The following NCOA1 variants were observed in gnomAD, a reference collection of about 807,000 sequenced individuals.
NCOA1 encodes the protein Hin-2 protein.
Under a neutral mutation model 150.9 loss-of-function variants are expected in NCOA1, and 35 were observed. The observed-to-expected ratio is 0.23, with a 90% CI of 0.18 to 0.31. The LOEUF is 0.31. Among genes scored for constraint, NCOA1 ranks in the 10% least tolerant of loss-of-function variants. The pLI, the probability that NCOA1 is intolerant of heterozygous loss-of-function variation, is 1.00. For synonymous variants in NCOA1, 590 were observed against 630.0 expected (o/e 0.94, Z 0.95); for missense variants, 1,491 against 1,749.3 (o/e 0.85, Z 2.63).
intron 3 of NCOA1, among the ~76,000 whole-genome samples, chr2:24,629,375 C>T (rs113911244): frequency 5.4e-4 from 81 of 151,260 alleles, no homozygotes; most frequent in African/African-American, 1.9e-3. Flanking sequence ...TGTAAACACA[C>T]AGTTTATAAA....
rs1012580914 is a variant in NCOA1, at chr2:24,722,632, C to T, written c.2600-3957C>T. 3.9e-5 allele frequency among the ~76,000 whole-genome samples: 6 copies of T among 151,932 alleles called. 1 individual carries two copies. Among genetic ancestry groups the T allele is most frequent in the South Asian group, 4.2e-4 (2 of 4,796 alleles). The stretch of plus-strand genomic sequence containing the variant: ...GACATCACTGGAATAAGTGAATGAC[C>T]GTGTGAGGCAGTTGTTTTTGTGTTC... On this transcript the variant is annotated intron_variant, in intron 14 of 22. Transcript: ENST00000348332.
intron 1 of NCOA1, among the ~76,000 whole-genome samples, chr2:24,534,511 T>C (rs2148175408): frequency 6.6e-6 from 1 of 152,250 alleles, no homozygotes; most frequent in South Asian, 2.1e-4. Flanking sequence ...TTGTTTGCTC[T>C]TGCTTCTCTA....
chr2:24,531,328 A>G (rs550309229), intron 1 of NCOA1, among the ~76,000 whole-genome samples: 1 of 152,286 alleles, frequency 6.6e-6, no homozygotes, highest in South Asian at 2.1e-4. Context: ...AACCAACCAA[A>G]TTGCCCATCA....
intron 1 of NCOA1, among the ~76,000 whole-genome samples, chr2:24,534,566 T>G (rs576760781): frequency 1.3e-5 from 2 of 152,346 alleles, no homozygotes; most frequent in African/African-American, 4.8e-5. Context: ...AGATCTTTCC[T>G]GCTTTCTCTT....
At chr2:24,559,274 T>C (rs1314508238) in intron 1 of NCOA1, among the ~76,000 whole-genome samples, 1 of 152,082 alleles carries the variant, frequency 6.6e-6, no homozygotes, top group Non-Finnish European at 1.5e-5. Context: ...TTGAGCTGAT[T>C]TTGGGTTTTG....
intron 3 of NCOA1, among the ~76,000 whole-genome samples, chr2:24,604,234 C>T (rs959170555): frequency 6.6e-6 from 1 of 152,168 alleles, no homozygotes; most frequent in African/African-American, 2.4e-5. Context: ...GTAAATTAAA[C>T]GTAATTCTTA....
intron 15 of NCOA1, 55 bp downstream of exon 15, chr2:24,726,761 G>T: frequency 9.2e-7 from 1 of 1,084,026 alleles, no homozygotes. Flanking sequence ...TCTAAACAGA[G>T]AACTATTTTT....
intron 3 of NCOA1, among the ~76,000 whole-genome samples, chr2:24,604,278 A>T (rs139103046): frequency 2.4e-4 from 36 of 152,312 alleles, no homozygotes; most frequent in African/African-American, 8.4e-4. Flanking sequence ...GTCACTGTGC[A>T]CTGTCTTTAC....
At chr2:24,563,169 T>C (rs1436455850) in intron 1 of NCOA1, among the ~76,000 whole-genome samples, 1 of 152,176 alleles carries the variant, frequency 6.6e-6, no homozygotes, top group African/African-American at 2.4e-5. Flanking sequence ...TTTGTTTTAC[T>C]TACATAAGAG....
chr2:24,746,678 C>T (rs1663937322), intron 19 of NCOA1, among the ~76,000 whole-genome samples: 1 of 152,158 alleles, frequency 6.6e-6, no homozygotes, highest in African/African-American at 2.4e-5. Flanking sequence ...TCTAAGTATT[C>T]CTCTAATTCA....
intron 1 of NCOA1, among the ~76,000 whole-genome samples, chr2:24,545,372 TAAATA>T (rs1399109783): frequency 6.6e-6 from 1 of 152,182 alleles, no homozygotes; most frequent in African/African-American, 2.4e-5. Context: ...AGCAATAAAA[TAAATA>T]ATATTGCATT....
intron 13 of NCOA1, among the ~76,000 whole-genome samples, chr2:24,710,255 G>A (rs1391302454): frequency 6.6e-6 from 1 of 151,968 alleles, no homozygotes; most frequent in African/African-American, 2.4e-5. Flanking sequence ...CACGATGCCT[G>A]GCTAATTTTT....
In NCOA1 at chr2:24,507,663, G is replaced by A. The variant is rs529160076; in HGVS notation, c.-396+16061G>A. Among the ~76,000 whole-genome samples, 7 of 151,398 alleles carry A rather than the reference G, an allele frequency of 4.6e-5. No individual in the cohort carries two copies. The South Asian group carries it at 8.4e-4, about 18-fold the overall frequency. On this transcript the variant is annotated intron_variant, in intron 1 of 22. Coordinates refer to ENST00000348332, the MANE Select transcript of NCOA1 (RefSeq NM_003743.5). ...TCTATGGTAGTAATTTTTTCTCCACGTCTCGGTACCAGGAAAAGCTGTTTC... is the reference window on the plus strand; with the variant it reads ...TCTATGGTAGTAATTTTTTCTCCACATCTCGGTACCAGGAAAAGCTGTTTC...
At chr2:24,577,010 G>A (rs577263355) in intron 2 of NCOA1, among the ~76,000 whole-genome samples, 1 of 152,048 alleles carries the variant, frequency 6.6e-6, no homozygotes, top group Admixed American at 6.5e-5. Context: ...CTGTTTGCTG[G>A]TATTTACTTT....
At chr2:24,605,457 T>C (rs906422878) in intron 3 of NCOA1, among the ~76,000 whole-genome samples, 1 of 152,254 alleles carries the variant, frequency 6.6e-6, no homozygotes, top group African/African-American at 2.4e-5. Flanking sequence ...GGGTTTATAC[T>C]ATTCAGTTAA....
intron 7 of NCOA1, among the ~76,000 whole-genome samples, chr2:24,682,502 T>C (rs971268277): frequency 1.3e-5 from 2 of 152,162 alleles, no homozygotes; most frequent in African/African-American, 4.8e-5. Flanking sequence ...TCTCAGTGCA[T>C]AGGAAGCCCC....
rs756550160 is a variant in NCOA1 at position 24,741,954 on chromosome 2, T to C, written c.3474T>C (p.Arg1158=). The change falls in exon 19 of 23, where the codon CGT becomes CGC. Residue 1158 remains arginine (R), a synonymous_variant. Coordinates refer to ENST00000348332, the MANE Select transcript of NCOA1 (RefSeq NM_003743.5). ...TACCAGTTCAAATGGGGAACCCCCG[T>C]CTTCCTCAGGGTGCTCCACAGCAAT... ...SGLPVQMGNP[R]LPQGAPQQFP... 12 of 1,614,078 alleles carry C rather than the reference T, an allele frequency of 7.4e-6. No homozygotes were observed. In the South Asian group the frequency reaches 1.3e-4, roughly 18 times the overall value.
intron 3 of NCOA1, among the ~76,000 whole-genome samples, chr2:24,593,613 A>T (rs1207144647): frequency 1.3e-5 from 2 of 152,174 alleles, no homozygotes; most frequent in Non-Finnish European, 2.9e-5. Flanking sequence ...GGACTTACAC[A>T]AGCATCTTAA....
Position 24,705,041 on chromosome 2 carries a change from A to ATTT in NCOA1, c.950-44_950-43insTTT, listed in dbSNP as rs760412188. The ATTT allele has an allele frequency of 1.9e-6, 3 of 1,591,638 alleles. No homozygotes were observed. In the African/African-American group the frequency reaches 4.0e-5, roughly 21 times the overall value. On this transcript the variant is annotated intron_variant, in intron 11 of 22. Coordinates refer to ENST00000348332, the MANE Select transcript of NCOA1 (RefSeq NM_003743.5). ...AAACCTGGTGACTTAAAGCCAGCGT[A>ATTT]TAAGTATCAGAATTTTAACTAGGTT...
Sources: gnomAD v4.1 joint callset for allele counts (sites outside exome capture counted in the v4.1 genomes callset) on GRCh38, gnomAD v4.1.1 for gene constraint, MANE v1.5 for transcripts, NCBI Gene and HGNC (gene_info 2026-07-23, HGNC 2026-07-21) for gene names.